Variants in IL1RAPL1 observed in about 807,000 individuals in gnomAD.
IL1RAPL1 encodes the protein interleukin-1 receptor accessory protein-like 1.
A neutral mutation model predicts 48.4 loss-of-function variants in IL1RAPL1; 3 were observed. That is an observed-to-expected ratio of 0.06 (90% CI 0.03 to 0.16). The LOEUF is 0.16. IL1RAPL1 is among the 10% of genes least tolerant of loss of function. IL1RAPL1 has a pLI of 1.00. For missense variants in IL1RAPL1, 349 were observed against 530.6 expected, an observed-to-expected ratio of 0.66 and a Z score of 3.36; for synonymous variants, 185 against 187.7, an observed-to-expected ratio of 0.99 and a Z score of 0.12.
chrX:28,721,059 G>A (rs1935570159), intron 1 of IL1RAPL1, among the ~76,000 whole-genome samples: 1 of 112,133 alleles, frequency 8.9e-6, no homozygotes, highest in Non-Finnish European at 1.9e-5. Context: ...AAACATACGT[G>A]TGCATGTGCT....
intron 6 of IL1RAPL1, among the ~76,000 whole-genome samples, chrX:29,701,643 T>C (rs1205163131): frequency 9.0e-6 from 1 of 111,161 alleles, no homozygotes; most frequent in Non-Finnish European, 1.9e-5. Flanking sequence ...GCCAAATTTG[T>C]TGAGAAAGAG....
chrX:29,409,820 C>CTTTT (rs34018303), intron 5 of IL1RAPL1, among the ~76,000 whole-genome samples: 6 of 79,360 alleles, frequency 7.6e-5, no homozygotes, highest in Non-Finnish European at 1.2e-4. Context: ...GTTCTAAATT[C>CTTTT]TTTTTTTTTT....
intron 3 of IL1RAPL1, among the ~76,000 whole-genome samples, chrX:29,291,044 C>T (rs767638718): frequency 3.2e-4 from 36 of 111,385 alleles, no homozygotes; most frequent in Non-Finnish European, 5.8e-4. Flanking sequence ...CCTAAAACCT[C>T]CAAAGTCTTA....
At chrX:28,976,337 T>A (rs1335675080) in intron 2 of IL1RAPL1, among the ~76,000 whole-genome samples, 1 of 111,411 alleles carries the variant, frequency 9.0e-6, no homozygotes, top group Non-Finnish European at 1.9e-5. Flanking sequence ...GTAGAGATAA[T>A]GACAGGTGGT....
chrX:28,704,613 A>G (rs1398497035), intron 1 of IL1RAPL1, among the ~76,000 whole-genome samples: 2 of 108,910 alleles, frequency 1.8e-5, no homozygotes, highest in South Asian at 3.9e-4. Context: ...AAGCCCTAAC[A>G]ATAAACATTA....
chrX:29,532,180 A>T (rs1921065314), intron 5 of IL1RAPL1, among the ~76,000 whole-genome samples: 1 of 111,730 alleles, frequency 9.0e-6, no homozygotes, highest in Non-Finnish European at 1.9e-5. Flanking sequence ...TTGGAGTGAG[A>T]GTGACCCGAG....
intron 2 of IL1RAPL1, among the ~76,000 whole-genome samples, chrX:28,998,885 T>G (rs974110757): frequency 4.5e-5 from 5 of 111,970 alleles, no homozygotes; most frequent in Non-Finnish European, 9.4e-5. Flanking sequence ...GGGCCTGAAC[T>G]TATCTGTCAA....
intron 2 of IL1RAPL1, among the ~76,000 whole-genome samples, chrX:29,149,420 A>G (rs893677955): frequency 9.0e-6 from 1 of 111,474 alleles, no homozygotes; most frequent in African/African-American, 3.3e-5. Context: ...CCAAAGAAAT[A>G]CAGAGTATGA....
At chrX:29,653,901 CTTATTTATTTAT>C (rs535604223) in intron 5 of IL1RAPL1, among the ~76,000 whole-genome samples, 8,175 of 93,356 alleles carry the variant, frequency 0.088, 323 homozygotes, top group Middle Eastern at 0.24. Context: ...AATTAGGGCT[CTTATTTATTTAT>C]TTATTTATTT....
chrX:28,710,186 A>G (rs1234079241), intron 1 of IL1RAPL1, among the ~76,000 whole-genome samples: 1 of 111,733 alleles, frequency 8.9e-6, no homozygotes, highest in African/African-American at 3.3e-5. Context: ...TGGACCAAAC[A>G]TGCAAACAGA....
chrX:29,873,214 T>TA (rs200218128), intron 6 of IL1RAPL1, among the ~76,000 whole-genome samples: 174 of 104,780 alleles, frequency 1.7e-3, no homozygotes, highest in African/African-American at 3.8e-3. Context: ...ATGTAGCAAA[T>TA]AAAAAAAAAA....
chrX:29,491,092 T>C (rs1214778418), intron 5 of IL1RAPL1, among the ~76,000 whole-genome samples: 1 of 111,748 alleles, frequency 8.9e-6, no homozygotes, highest in African/African-American at 3.3e-5. Flanking sequence ...AAATACACTT[T>C]TGAATGTTCA....
intron 6 of IL1RAPL1, among the ~76,000 whole-genome samples, chrX:29,776,014 C>G (rs939624811): frequency 9.0e-6 from 1 of 111,105 alleles, no homozygotes; most frequent in African/African-American, 3.3e-5. Flanking sequence ...AATCTCTTCT[C>G]CTACACTCAA....
rs1302343058 is a variant in IL1RAPL1 at position 29,836,090 on chromosome X, G to A, written c.779-81374G>A. 3.0e-4 allele frequency among the ~76,000 whole-genome samples: 32 copies of A among 107,180 alleles called. No individual in the cohort carries two copies. The Admixed American group carries it at 3.2e-3, about 11-fold the overall frequency. The allele number at this position is 107,180 out of a possible 115,157, so 93.1% of individuals were successfully genotyped here. On this transcript the variant is annotated intron_variant, in intron 6 of 10. Coordinates refer to ENST00000378993, the MANE Select transcript of IL1RAPL1 (RefSeq NM_014271.4). ...CTGGTTCCTTGAGGTCCATTGTTAG[G>A]TTGTTGTTCTTTTTCAATGTCAGCA...
At chrX:29,209,822 A>T (rs1000500572) in intron 2 of IL1RAPL1, among the ~76,000 whole-genome samples, 2 of 112,282 alleles carry the variant, frequency 1.8e-5, no homozygotes, top group Admixed American at 9.5e-5. Flanking sequence ...TAACAGATGG[A>T]TAGGCAGATT....
rs149697290 is a variant in IL1RAPL1, at chrX:28,918,639, G to T, written c.82+129214G>T. 9.5e-3 allele frequency among the ~76,000 whole-genome samples: 1,062 copies of T among 112,256 alleles called. 14 individuals carry two copies. The highest frequency in any genetic ancestry group is 0.032 in the African/African-American group (995 of 30,960). On this transcript the variant is annotated intron_variant, in intron 2 of 10. Coordinates refer to ENST00000378993, the MANE Select transcript of IL1RAPL1 (RefSeq NM_014271.4). ...GGATGTCATGCAAGTGAAAACAGAA[G>T]TGATTAATCTTATGGATAGATCAAG...
intron 2 of IL1RAPL1, among the ~76,000 whole-genome samples, chrX:29,257,518 A>G (rs1931777931): frequency 8.9e-6 from 1 of 111,902 alleles, no homozygotes; most frequent in South Asian, 3.7e-4. Flanking sequence ...TCATGCTTAC[A>G]TTACCATGAC....
At chrX:29,864,625 A>G (rs1010289542) in intron 6 of IL1RAPL1, among the ~76,000 whole-genome samples, 1 of 111,782 alleles carries the variant, frequency 8.9e-6, no homozygotes, top group Non-Finnish European at 1.9e-5. Flanking sequence ...TCACCCTTTA[A>G]TGTGAGAAAT....
At chrX:29,856,948 T>C (rs1009815244) in intron 6 of IL1RAPL1, among the ~76,000 whole-genome samples, 2 of 111,258 alleles carry the variant, frequency 1.8e-5, no homozygotes, top group Non-Finnish European at 3.8e-5. Context: ...CCTAGCCCAA[T>C]AAGGACATAT....
Sources: gnomAD v4.1 joint callset for allele counts (sites outside exome capture counted in the v4.1 genomes callset) on GRCh38, gnomAD v4.1.1 for gene constraint, MANE v1.5 for transcripts, NCBI Gene and HGNC (gene_info 2026-07-23, HGNC 2026-07-21) for gene names.